The following CMBL variants were observed in gnomAD, a reference collection of about 807,000 sequenced individuals.
The protein encoded by CMBL is carboxymethylenebutenolidase homolog.
A neutral mutation model predicts 28.7 loss-of-function variants in CMBL; 17 were observed. The observed-to-expected ratio is 0.59, with a 90% CI of 0.41 to 0.89. The LOEUF is 0.89. CMBL is among the 40% of genes least tolerant of loss of function. The probability of loss-of-function intolerance (pLI) is 0.00; values close to 1 mark genes in which losing one functional copy is unlikely to be tolerated. For missense variants in CMBL, 310 were observed against 298.5 expected (o/e 1.04, Z -0.28); for synonymous variants, 106 against 101.6 (o/e 1.04, Z -0.26).
At chr5:10,284,775 G>A (rs2126542051) in intron 4 of CMBL, among the ~76,000 whole-genome samples, 1 of 152,202 alleles carries the variant, frequency 6.6e-6, no homozygotes, top group African/African-American at 2.4e-5. Flanking sequence ...TGTAAGTAGA[G>A]GAGCATCTGC....
chr5:10,300,351 T>A (rs74722520), intron 1 of CMBL, among the ~76,000 whole-genome samples: 10,454 of 152,182 alleles, frequency 0.069, 403 homozygotes, highest in African/African-American at 0.095. Context: ...ACACTTTCAA[T>A]TTGGACTCCT....
chr5:10,300,040 T>C (rs1459642632), intron 1 of CMBL, among the ~76,000 whole-genome samples: 1 of 152,156 alleles, frequency 6.6e-6, no homozygotes, highest in Non-Finnish European at 1.5e-5. Context: ...TTAAGTCCTA[T>C]CCCCCACTCC....
In CMBL at chr5:10,289,056, C is replaced by T. The variant is rs1217906769; in HGVS notation, c.216-527G>A. On this transcript the variant is annotated intron_variant, in intron 2 of 5. Transcript: ENST00000296658. This position sits in a 1 kb window ranked among gnomAD's most constrained non-coding sequence, Gnocchi z 4.3. ...TCTAAGACGGGCAGCAGAGCACAAA[C>T]AAGCCTGGCCCCAGTCCAGGTCGCT... Among the ~76,000 whole-genome samples the T allele has an allele frequency of 1.3e-5, 2 of 152,202 alleles. No homozygotes were observed. Among genetic ancestry groups the T allele is most frequent in the Non-Finnish European group, 2.9e-5 (2 of 68,034 alleles).
chr5:10,294,178 G>A (rs1357501194), intron 1 of CMBL, among the ~76,000 whole-genome samples: 1 of 152,222 alleles, frequency 6.6e-6, no homozygotes, highest in African/African-American at 2.4e-5. Flanking sequence ...AGAGAATAGT[G>A]TGAGTTCCCA....
chr5:10,307,396 A>G (rs1747017790), intron 1 of CMBL: 2 of 152,244 alleles, frequency 1.3e-5, no homozygotes, highest in African/African-American at 4.8e-5. Flanking sequence ...GGAAAATACC[A>G]AAATGTAAAC....
chr5:10,292,327 T>A (rs1746737549), intron 1 of CMBL, among the ~76,000 whole-genome samples: 1 of 152,044 alleles, frequency 6.6e-6, no homozygotes, highest in African/African-American at 2.4e-5. Flanking sequence ...CACCTTAGCC[T>A]CCCAAGTAGC....
Position 10,288,544 on chromosome 5 carries a change from C to G in CMBL, c.216-15G>C, listed in dbSNP as rs1279780101. Reference sequence around the variant, plus strand: ...GAACAATGGTTCTGCAAAATATGGACATGAATTGATCTTAGTTTCAGAGTT... The same window carrying G: ...GAACAATGGTTCTGCAAAATATGGAGATGAATTGATCTTAGTTTCAGAGTT... On this transcript the variant is annotated splice_polypyrimidine_tract_variant and intron_variant, in intron 2 of 5. Transcript: ENST00000296658. 6.5e-7 allele frequency: 1 copy of G among 1,547,562 alleles called. No homozygotes were observed. The highest frequency in any genetic ancestry group is 1.1e-5 in the South Asian group (1 of 89,766).
At chr5:10,302,081 G>A (rs1746910769) in intron 1 of CMBL, among the ~76,000 whole-genome samples, 1 of 152,190 alleles carries the variant, frequency 6.6e-6, no homozygotes, top group Non-Finnish European at 1.5e-5. Context: ...CCTCCACGTG[G>A]GCACAGCAGC....
At chr5:10,287,197 T>A (rs186781646) in intron 3 of CMBL, among the ~76,000 whole-genome samples, 2 of 152,318 alleles carry the variant, frequency 1.3e-5, no homozygotes, top group Non-Finnish European at 2.9e-5. Context: ...GCTGCACACG[T>A]ATGTTTATTG....
At chr5:10,291,627 C>G (rs1213666201) in intron 1 of CMBL, among the ~76,000 whole-genome samples, 1 of 151,110 alleles carries the variant, frequency 6.6e-6, no homozygotes, top group African/African-American at 2.4e-5. Context: ...CGCCACTGCA[C>G]TCCAGCCTGG....
chr5:10,285,973 A>G (rs1274350877), intron 4 of CMBL, among the ~76,000 whole-genome samples: 1 of 152,164 alleles, frequency 6.6e-6, no homozygotes, highest in Non-Finnish European at 1.5e-5. Flanking sequence ...TGTTGGGATT[A>G]CAGGCATTAG....
chr5:10,281,271 G>C (rs942683816), intron 5 of CMBL, among the ~76,000 whole-genome samples: 52 of 152,214 alleles, frequency 3.4e-4, no homozygotes, highest in African/African-American at 1.2e-3. Context: ...AGGCTGGAGT[G>C]CGGTGGCACA....
At chr5:10,283,891 C>A (rs148479282) in intron 4 of CMBL, among the ~76,000 whole-genome samples, 1 of 152,172 alleles carries the variant, frequency 6.6e-6, no homozygotes, top group Non-Finnish European at 1.5e-5. Context: ...CACTTCTATG[C>A]GAAAATAAGT....
At chr5:10,288,695 C>A (rs1746652000) in intron 2 of CMBL, among the ~76,000 whole-genome samples, 166 bp from the exon 3 acceptor site, 2 of 152,234 alleles carry the variant, frequency 1.3e-5, no homozygotes, top group Admixed American at 1.3e-4. Flanking sequence ...CCACCTGGCA[C>A]CGGGCCAAGC....
chr5:10,287,506 G>A (rs1746626391), intron 3 of CMBL, among the ~76,000 whole-genome samples: 1 of 151,836 alleles, frequency 6.6e-6, no homozygotes, highest in Non-Finnish European at 1.5e-5. Flanking sequence ...GTGGGAGGGT[G>A]TGAGGGCCAA....
At position 10,280,451 on chromosome 5, in the gene CMBL, T is replaced by C; in HGVS notation, c.*2A>G. ...TCTAGGAAGGCTTGCCCTTGATTCT[T>C]GCTACATGTACTTGTTCAGCCACTC... On this transcript the variant is annotated 3_prime_UTR_variant, in exon 6 of 6. Coordinates refer to ENST00000296658, the MANE Select transcript of CMBL (RefSeq NM_138809.4). 6.3e-7 allele frequency: 1 copy of C among 1,576,306 alleles called. No individual in the cohort carries two copies. Among genetic ancestry groups the C allele is most frequent in the South Asian group, 1.1e-5 (1 of 87,178 alleles).
Position 10,307,632 on chromosome 5 carries a change from C to G in CMBL, c.-27G>C, listed in dbSNP as rs1161101308. 1 of 152,172 alleles carries G rather than the reference C, an allele frequency of 6.6e-6. No individual in the cohort carries two copies. Among genetic ancestry groups the G allele is most frequent in the East Asian group, 1.9e-4 (1 of 5,178 alleles). The allele number at this position is 152,172 out of a possible 1,614,324, so 9.4% of individuals were successfully genotyped here. The stretch of plus-strand genomic sequence containing the variant: ...CCGGGGACGCGCACGTACCTTGTCC[C>G]GCGGCCTGAGACTGCGCTGCACCGC... On this transcript the variant is annotated 5_prime_UTR_variant, in exon 1 of 6. Transcript: ENST00000296658.
chr5:10,300,600 G>A (rs1746881946), intron 1 of CMBL, among the ~76,000 whole-genome samples: 1 of 151,986 alleles, frequency 6.6e-6, no homozygotes, highest in African/African-American at 2.4e-5. Flanking sequence ...AGGAGTATGA[G>A]ACCAGCATGA....
chr5:10,303,770 A>G (rs1418597751), intron 1 of CMBL, among the ~76,000 whole-genome samples: 1 of 152,184 alleles, frequency 6.6e-6, no homozygotes, highest in African/African-American at 2.4e-5. Context: ...AATCACCATG[A>G]GGCTTTCTTT....
Sources: allele counts gnomAD v4.1 joint callset (sites outside exome capture counted in the v4.1 genomes callset), GRCh38; gene constraint gnomAD v4.1.1; non-coding constraint Gnocchi (gnomAD v3.1); transcripts MANE v1.5; gene names NCBI Gene and HGNC (gene_info 2026-07-23, HGNC 2026-07-21).